NPSR1: variants seen among roughly 807,000 people sequenced by gnomAD.
NPSR1 encodes the protein neuropeptide S receptor 1.
In NPSR1, 48 loss-of-function variants were observed where a neutral mutation model predicts 46.9. The observed-to-expected ratio is 1.02, with a 90% CI of 0.81 to 1.30. The LOEUF (loss-of-function observed/expected upper bound fraction) is 1.30, where lower values mean the gene tolerates loss of function less well. Ranked by LOEUF, NPSR1 falls within the 50% of genes most tolerant of loss-of-function variation. NPSR1 has a pLI of 0.00. For synonymous variants in NPSR1, 176 were observed against 168.1 expected, an observed-to-expected ratio of 1.05 and a Z score of -0.36; for missense variants, 450 against 449.5, an observed-to-expected ratio of 1.00 and a Z score of -0.01.
At chr7:34,757,259 C>T (rs1785912445) in intron 2 of NPSR1, among the ~76,000 whole-genome samples, 1 of 152,154 alleles carries the variant, frequency 6.6e-6, no homozygotes, top group Non-Finnish European at 1.5e-5. Flanking sequence ...TGAATAGTCA[C>T]TCCTTCTGTT....
intron 6 of NPSR1, among the ~76,000 whole-genome samples, chr7:34,838,289 T>C (rs1790444882): frequency 6.6e-6 from 1 of 152,204 alleles, no homozygotes; most frequent in Non-Finnish European, 1.5e-5. Flanking sequence ...ATATAGAGTA[T>C]GCCATTACTC....
At position 34,827,476 on chromosome 7, in the gene NPSR1, T is replaced by C. The variant is rs1789911772; in HGVS notation, c.554T>C (p.Phe185Ser). 2 of 1,613,996 alleles carry C rather than the reference T, an allele frequency of 1.2e-6. No homozygotes were observed. Among genetic ancestry groups the C allele is most frequent in the East Asian group, 2.2e-5 (1 of 44,856 alleles). Residue 185 changes from phenylalanine (F) to serine (S), a missense_variant, in exon 5 of 9, where the codon TTT (phenylalanine) becomes TCT (serine). Physicochemically the swap from Phe to Ser is radical, Grantham distance 155. Coordinates refer to ENST00000360581, the MANE Select transcript of NPSR1 (RefSeq NM_207172.2). ...FLFSIPTLII[F>S]GKRTLSNGEV... ...TTCTCCATTCCCACCCTGATCATATTTGGGAAGAGGACACTGTCCAACGGT... is the reference window on the plus strand; with the variant it reads ...TTCTCCATTCCCACCCTGATCATATCTGGGAAGAGGACACTGTCCAACGGT...
At chr7:34,774,811 T>A (rs935889444) in intron 2 of NPSR1, among the ~76,000 whole-genome samples, 4 of 152,162 alleles carry the variant, frequency 2.6e-5, no homozygotes, top group African/African-American at 9.7e-5. Context: ...CCAGGCCCAC[T>A]CAAAGCTGTG....
At chr7:34,718,006 C>T (rs1006324957) in intron 2 of NPSR1, among the ~76,000 whole-genome samples, 8 of 152,174 alleles carry the variant, frequency 5.3e-5, no homozygotes, top group Non-Finnish European at 7.4e-5. Flanking sequence ...TGTACCTTAT[C>T]CTGATGACAT....
intron 6 of NPSR1, among the ~76,000 whole-genome samples, chr7:34,840,188 T>G (rs1412070616): frequency 6.6e-6 from 1 of 152,144 alleles, no homozygotes; most frequent in Non-Finnish European, 1.5e-5. Context: ...TTCAGAGATA[T>G]GCAGCCATGC....
At chr7:34,754,517 C>A (rs922212702) in intron 2 of NPSR1, among the ~76,000 whole-genome samples, 1 of 151,720 alleles carries the variant, frequency 6.6e-6, no homozygotes, top group African/African-American at 2.4e-5. Context: ...TGCCTCTATG[C>A]CCCCTCCTAC....
At chr7:34,788,842 C>A (rs1308345971) in intron 3 of NPSR1, among the ~76,000 whole-genome samples, 2 of 152,022 alleles carry the variant, frequency 1.3e-5, no homozygotes, top group Non-Finnish European at 2.9e-5. Flanking sequence ...CACCTAGTGG[C>A]AGCAGAATAT....
chr7:34,751,387 T>C, intron 2 of NPSR1: 2 of 1,026,646 alleles, frequency 1.9e-6, no homozygotes, highest in Admixed American at 1.7e-5. Context: ...GAGGCCTGAG[T>C]TGTTGTAGAC....
chr7:34,684,516 T>G (rs1792824368), intron 1 of NPSR1, 36 bp from the exon 2 acceptor site: 1 of 1,608,086 alleles, frequency 6.2e-7, no homozygotes, highest in Non-Finnish European at 8.5e-7. Context: ...CAGTTCTCAC[T>G]GGTACACTGG....
intron 3 of NPSR1, among the ~76,000 whole-genome samples, chr7:34,792,734 T>TATTTTTATATATATATGTATA: frequency 8.1e-6 from 1 of 123,324 alleles, no homozygotes; most frequent in East Asian, 2.4e-4. Context: ...TATATATATA[T>TATTTTTATATATATATGTATA]TAGCCAGGCA....
intron 2 of NPSR1, among the ~76,000 whole-genome samples, chr7:34,703,231 CGCGATGGCAG>C (rs1458575404): frequency 1.2e-4 from 19 of 152,136 alleles, no homozygotes; most frequent in Non-Finnish European, 1.8e-4. Context: ...TGGTGGCGGG[CGCGATGGCAG>C]GCGCCTGTAG....
intron 2 of NPSR1, among the ~76,000 whole-genome samples, chr7:34,685,300 G>T (rs1792870719): frequency 6.6e-6 from 1 of 152,128 alleles, no homozygotes; most frequent in Non-Finnish European, 1.5e-5. Flanking sequence ...ATCTGTGAAA[G>T]TTAGGGCCCC....
intron 6 of NPSR1, among the ~76,000 whole-genome samples, chr7:34,843,347 C>G (rs1049368010): frequency 2.8e-4 from 42 of 152,200 alleles, no homozygotes; most frequent in Non-Finnish European, 1.6e-4. Context: ...ACAGAGAGAA[C>G]GTCAAGCCAA....
chr7:34,813,776 G>A (rs1281339165), intron 4 of NPSR1, among the ~76,000 whole-genome samples: 1 of 152,224 alleles, frequency 6.6e-6, no homozygotes, highest in Non-Finnish European at 1.5e-5. Flanking sequence ...GACCACCACA[G>A]GAACTTATAT....
chr7:34,692,555 C>A (rs898083770), intron 2 of NPSR1, among the ~76,000 whole-genome samples: 1 of 151,998 alleles, frequency 6.6e-6, no homozygotes, highest in African/African-American at 2.4e-5. Flanking sequence ...GAAAACAGTT[C>A]TAAGAGAAAA....
At chr7:34,675,420 C>T (rs1383829006) in intron 1 of NPSR1, among the ~76,000 whole-genome samples, 1 of 152,212 alleles carries the variant, frequency 6.6e-6, no homozygotes, top group Non-Finnish European at 1.5e-5. Context: ...CCAGACTAGC[C>T]TGACAGATCC....
chr7:34,752,398 A>T (rs1785585645), intron 2 of NPSR1, among the ~76,000 whole-genome samples: 1 of 151,958 alleles, frequency 6.6e-6, no homozygotes. Context: ...GTTTCCTTAG[A>T]CCCCCAGTGA....
chr7:34,705,599 A>ATCTCTC (rs60599463), intron 2 of NPSR1, among the ~76,000 whole-genome samples: 3 of 147,316 alleles, frequency 2.0e-5, no homozygotes, highest in African/African-American at 2.5e-5. Flanking sequence ...ATGTATGTTG[A>ATCTCTC]TCTCTCTCTC....
chr7:34,811,111 C>T (rs758199245), intron 3 of NPSR1, among the ~76,000 whole-genome samples: 1 of 152,140 alleles, frequency 6.6e-6, no homozygotes, highest in Non-Finnish European at 1.5e-5. Flanking sequence ...CTGCCATCTG[C>T]AGATGGCTTA....
Sources: gnomAD v4.1 joint callset for allele counts (sites outside exome capture counted in the v4.1 genomes callset) on GRCh38, gnomAD v4.1.1 for gene constraint, MANE v1.5 for transcripts, NCBI Gene and HGNC (gene_info 2026-07-23, HGNC 2026-07-21) for gene names.